The following CDH12 variants were observed in gnomAD, a reference collection of about 807,000 sequenced individuals.
CDH12 encodes the protein cadherin-12.
Under a neutral mutation model 74.1 loss-of-function variants are expected in CDH12, and 41 were observed. That is an observed-to-expected ratio of 0.55 (90% CI 0.43 to 0.72). CDH12 has a LOEUF of 0.72. Ranked by LOEUF, CDH12 falls within the 30% of genes least tolerant of loss-of-function variation. The pLI is 0.00. For missense variants in CDH12, 945 were observed against 977.2 expected, an observed-to-expected ratio of 0.97 and a Z score of 0.44; for synonymous variants, 399 against 355.0, an observed-to-expected ratio of 1.12 and a Z score of -1.39.
intron 6 of CDH12, among the ~76,000 whole-genome samples, chr5:21,944,346 C>T (rs1345520071): frequency 2.0e-5 from 3 of 152,124 alleles, no homozygotes; most frequent in Admixed American, 6.6e-5. Context: ...AATCCCAATA[C>T]ATAAAAGGGT....
At chr5:21,902,070 C>A (rs766726583) in intron 6 of CDH12, among the ~76,000 whole-genome samples, 6 of 152,122 alleles carry the variant, frequency 3.9e-5, no homozygotes, top group Non-Finnish European at 5.9e-5. Flanking sequence ...TGGAATCTTT[C>A]AAAATTATGC....
intron 4 of CDH12, among the ~76,000 whole-genome samples, chr5:22,082,802 A>C (rs1561091831): frequency 1.3e-5 from 2 of 152,098 alleles, no homozygotes; most frequent in Non-Finnish European, 2.9e-5. Flanking sequence ...CATGATGCCC[A>C]TTTCCCTCAG....
intron 3 of CDH12, among the ~76,000 whole-genome samples, chr5:22,334,017 T>C (rs1432633639): frequency 6.6e-6 from 1 of 152,130 alleles, no homozygotes; most frequent in East Asian, 1.9e-4. Context: ...CCACATGTAG[T>C]ATCACATTGA....
chr5:22,498,409 A>G (rs962483043), intron 2 of CDH12, among the ~76,000 whole-genome samples: 3 of 152,136 alleles, frequency 2.0e-5, no homozygotes, highest in African/African-American at 7.2e-5. Flanking sequence ...TCCTTGACAC[A>G]AAATAATATA....
intron 4 of CDH12, among the ~76,000 whole-genome samples, chr5:22,171,353 T>C (rs1445951646): frequency 1.1e-4 from 16 of 151,942 alleles, no homozygotes; most frequent in Non-Finnish European, 1.6e-4. Context: ...CTATTAAGCA[T>C]TGTTATTATA....
At chr5:22,135,209 C>CAAAAAAAA (rs5866550) in intron 4 of CDH12, among the ~76,000 whole-genome samples, 6 of 119,384 alleles carry the variant, frequency 5.0e-5, no homozygotes, top group Admixed American at 8.8e-5. Context: ...AACACATAAG[C>CAAAAAAAA]AAAAAAAAAA....
At chr5:22,581,619 C>A (rs140970087) in intron 1 of CDH12, among the ~76,000 whole-genome samples, 8 of 152,274 alleles carry the variant, frequency 5.3e-5, no homozygotes, top group African/African-American at 1.7e-4. Flanking sequence ...CCTACTGGGA[C>A]ACTGCCTAGT....
intron 3 of CDH12, among the ~76,000 whole-genome samples, chr5:22,224,842 CTT>C (rs1197172697): frequency 1.4e-4 from 21 of 151,662 alleles, no homozygotes; most frequent in Middle Eastern, 3.5e-3. Flanking sequence ...TTATAACAAA[CTT>C]AAAATATTTT....
intron 5 of CDH12, among the ~76,000 whole-genome samples, chr5:22,016,730 A>G (rs1561023252): frequency 6.6e-6 from 1 of 152,082 alleles, no homozygotes; most frequent in Non-Finnish European, 1.5e-5. Flanking sequence ...TTCACTCAGT[A>G]TAAGAATATC....
rs568313948 is a variant in CDH12 at position 22,478,190 on chromosome 5, G to A, written c.-428+27080C>T. 2.8e-3 allele frequency among the ~76,000 whole-genome samples: 424 copies of A among 151,936 alleles called. 2 individuals are homozygous for A. Among genetic ancestry groups the A allele is most frequent in the African/African-American group, 9.7e-3 (402 of 41,440 alleles). ...TCCCAGCACTTTGGGAGGCCGAGGC[G>A]GGTGGATCATGAGGTCAGGAGATCG... is the stretch of plus-strand genomic sequence containing the variant. On this transcript the variant is annotated intron_variant, in intron 2 of 14. Transcript: ENST00000382254.
At chr5:21,803,887 G>GAAAAAA (rs1374375510) in intron 9 of CDH12, among the ~76,000 whole-genome samples, 1 of 151,774 alleles carries the variant, frequency 6.6e-6, no homozygotes, top group Non-Finnish European at 1.5e-5. Flanking sequence ...TTCCTCTGAG[G>GAAAAAA]AACAAAAACA....
At chr5:22,583,613 T>C (rs1165328395) in intron 1 of CDH12, among the ~76,000 whole-genome samples, 1 of 152,150 alleles carries the variant, frequency 6.6e-6, no homozygotes, top group Non-Finnish European at 1.5e-5. Context: ...AATGCCATGA[T>C]TTTTAAGAGA....
intron 4 of CDH12, among the ~76,000 whole-genome samples, chr5:22,080,767 C>CTTGT (rs1561089971): frequency 4.0e-5 from 6 of 151,370 alleles, no homozygotes. Flanking sequence ...ATTAATTTTG[C>CTTGT]TTCTTTCTTT....
At chr5:21,798,827 C>T (rs192491609) in intron 10 of CDH12, among the ~76,000 whole-genome samples, 1 of 152,122 alleles carries the variant, frequency 6.6e-6, no homozygotes. Context: ...TGAAGCCACT[C>T]CATCAACGGT....
chr5:21,812,780 T>C (rs763744142), intron 9 of CDH12, among the ~76,000 whole-genome samples: 4 of 152,174 alleles, frequency 2.6e-5, no homozygotes, highest in African/African-American at 9.7e-5. Context: ...AATGTCCTCC[T>C]GAGTTATTTT....
At chr5:21,962,890 C>A (rs981377396) in intron 6 of CDH12, among the ~76,000 whole-genome samples, 29 of 152,224 alleles carry the variant, frequency 1.9e-4, no homozygotes, top group African/African-American at 7.0e-4. Flanking sequence ...ATCTTATTCC[C>A]ACAGTATCTG....
At chr5:22,223,231 C>A (rs1397178048) in intron 3 of CDH12, among the ~76,000 whole-genome samples, 2 of 151,948 alleles carry the variant, frequency 1.3e-5, no homozygotes, top group African/African-American at 4.8e-5. Flanking sequence ...AGCAGGTCTG[C>A]AGTTTGGTAG....
At chr5:21,825,551 C>T (rs62348748) in intron 8 of CDH12, among the ~76,000 whole-genome samples, 88,888 of 151,926 alleles carry the variant, frequency 0.59, 28,845 homozygotes, top group Non-Finnish European at 0.73. Flanking sequence ...TAGTTACCCC[C>T]ATCATTTTCT....
rs76921561 is a variant in CDH12, at chr5:22,081,738, C to T, written c.-186-2876G>A. ...ATGACAACATTCATCATCATTGCCGCCAGTCTGGTCCAAATTCTCCTTTTC... is the reference window on the plus strand; with the variant it reads ...ATGACAACATTCATCATCATTGCCGTCAGTCTGGTCCAAATTCTCCTTTTC... On this transcript the variant is annotated intron_variant, in intron 4 of 14. Transcript: ENST00000382254. Among the ~76,000 whole-genome samples the T allele has an allele frequency of 8.3e-3, 1,266 of 152,258 alleles. 9 individuals carry two copies. The highest frequency in any genetic ancestry group is 0.029 in the African/African-American group (1,218 of 41,554).
Sources: gnomAD v4.1 joint callset for allele counts (sites outside exome capture counted in the v4.1 genomes callset) on GRCh38, gnomAD v4.1.1 for gene constraint, MANE v1.5 for transcripts, NCBI Gene and HGNC (gene_info 2026-07-23, HGNC 2026-07-21) for gene names.